ATP10B: variants seen among roughly 807,000 people sequenced by gnomAD.
The protein encoded by ATP10B is phospholipid-transporting ATPase VB.
Under a neutral mutation model 141.2 loss-of-function variants are expected in ATP10B, and 122 were observed. The observed-to-expected ratio is 0.86, with a 90% CI of 0.75 to 1.00. The LOEUF (loss-of-function observed/expected upper bound fraction) is 1.00, where lower values mean the gene tolerates loss of function less well. Ranked by LOEUF, ATP10B falls within the 50% of genes least tolerant of loss-of-function variation. The pLI is 0.00. For synonymous variants in ATP10B, 685 were observed against 692.0 expected (o/e 0.99, Z 0.16); for missense variants, 1,876 against 1,825.3 (o/e 1.03, Z -0.51).
At chr5:160,597,292 G>C (rs1471971222) in intron 22 of ATP10B, among the ~76,000 whole-genome samples, 2 of 152,176 alleles carry the variant, frequency 1.3e-5, no homozygotes, top group Non-Finnish European at 2.9e-5. Context: ...CTAGCAATGG[G>C]GAAAGGATTC....
intron 2 of ATP10B, among the ~76,000 whole-genome samples, chr5:160,769,130 A>G (rs1320354566): frequency 6.6e-6 from 1 of 152,094 alleles, no homozygotes; most frequent in African/African-American, 2.4e-5. Flanking sequence ...GGAGCCATAT[A>G]GGGGTATTTG....
At chr5:160,807,218 A>C (rs560360444) in intron 1 of ATP10B, among the ~76,000 whole-genome samples, 19 of 152,370 alleles carry the variant, frequency 1.2e-4, no homozygotes, top group Admixed American at 1.2e-3. Flanking sequence ...TATGTTTATA[A>C]ATGCATGAAG....
intron 23 of ATP10B, among the ~76,000 whole-genome samples, chr5:160,589,976 T>A (rs1218581408): frequency 6.6e-6 from 1 of 152,192 alleles, no homozygotes; most frequent in Admixed American, 6.5e-5. Context: ...TCAGACACAA[T>A]GCTAACAGCT....
At chr5:160,683,156 C>T (rs1763536168) in intron 6 of ATP10B, among the ~76,000 whole-genome samples, 1 of 152,008 alleles carries the variant, frequency 6.6e-6, no homozygotes, top group African/African-American at 2.4e-5. Flanking sequence ...TGATTTCATC[C>T]TCTCTTTATA....
chr5:160,780,630 T>A (rs1770653104), intron 2 of ATP10B, among the ~76,000 whole-genome samples: 1 of 152,184 alleles, frequency 6.6e-6, no homozygotes, highest in African/African-American at 2.4e-5. Flanking sequence ...ATAACTGGAT[T>A]CCTGAACTGA....
At chr5:160,919,343 G>A in the ATP10B span, among the ~76,000 whole-genome samples, 1 of 151,280 alleles carries the variant, frequency 6.6e-6, no homozygotes, top group Non-Finnish European at 1.5e-5. Context: ...CTTTGTACTA[G>A]GCCCTAAGGC....
At chr5:160,745,864 A>G (rs1368353) in intron 2 of ATP10B, among the ~76,000 whole-genome samples, 88,627 of 152,166 alleles carry the variant, frequency 0.58, 26,461 homozygotes, top group African/African-American at 0.7. Context: ...GCTGGGCCCA[A>G]TTTGCACATG....
At chr5:160,836,015 C>T (rs773946152) in intron 1 of ATP10B, among the ~76,000 whole-genome samples, 4 of 152,072 alleles carry the variant, frequency 2.6e-5, no homozygotes, top group Non-Finnish European at 5.9e-5. Context: ...TCAAATACCA[C>T]ATGTTCTCAC....
intron 3 of ATP10B, among the ~76,000 whole-genome samples, chr5:160,702,191 T>G (rs1232841044): frequency 6.6e-6 from 1 of 152,246 alleles, no homozygotes; most frequent in Non-Finnish European, 1.5e-5. Context: ...AATTTAAAAT[T>G]ATTTAAAAAT....
At chr5:160,676,191 C>G (rs1763020052) in intron 6 of ATP10B, among the ~76,000 whole-genome samples, 1 of 152,224 alleles carries the variant, frequency 6.6e-6, no homozygotes, top group African/African-American at 2.4e-5. Flanking sequence ...CCTTTTTGAC[C>G]ATGTGGTGGC....
At chr5:160,680,573 G>C (rs961183135) in intron 6 of ATP10B, among the ~76,000 whole-genome samples, 2 of 152,196 alleles carry the variant, frequency 1.3e-5, no homozygotes, top group Admixed American at 1.3e-4. Context: ...AAAGAGTCAA[G>C]TCTCAAAAAT....
chr5:160,708,034 A>T (rs1289690333), intron 3 of ATP10B, among the ~76,000 whole-genome samples: 1 of 152,130 alleles, frequency 6.6e-6, no homozygotes, highest in East Asian at 1.9e-4. Context: ...CTCTTCATTA[A>T]ACCTCAATTG....
chr5:160,670,489 A>G lies in ATP10B; in HGVS notation c.649T>C (p.Cys217Arg), dbSNP rs958912. The change falls in exon 7 of 26, where the codon TGT becomes CGT. Residue 217 changes from cysteine to arginine, a missense_variant. Physicochemically the swap from Cys to Arg is radical, Grantham distance 180. Coordinates refer to ENST00000327245, the MANE Select transcript of ATP10B (RefSeq NM_025153.3). ...TGCTGTGAGAAGCCCTTCACGACAC[A>G]TCTTTGCTTGAGGTTTGTCTCTCCA... ...LDGETNLKQRCVVKGFSQQEV... is the reference protein window; with the variant it reads ...LDGETNLKQRRVVKGFSQQEV... 0.82 allele frequency: 1,325,219 copies of G among 1,613,566 alleles called. 546,075 individuals are homozygous for G. The highest frequency in any genetic ancestry group is 0.92 in the African/African-American group (68,800 of 74,926).
chr5:160,700,490 T>C (rs1764608355), intron 3 of ATP10B, among the ~76,000 whole-genome samples: 1 of 152,212 alleles, frequency 6.6e-6, no homozygotes, highest in Non-Finnish European at 1.5e-5. Context: ...AGACTATTTC[T>C]TCCCCAAACG....
chr5:160,836,332 A>T (rs1446821776), intron 1 of ATP10B, among the ~76,000 whole-genome samples: 2 of 151,764 alleles, frequency 1.3e-5, no homozygotes, highest in African/African-American at 4.8e-5. Context: ...AAGTTTTTTC[A>T]TTTTTTTTCA....
chr5:160,836,936 T>C (rs1775476333), intron 1 of ATP10B, among the ~76,000 whole-genome samples: 1 of 152,130 alleles, frequency 6.6e-6, no homozygotes, highest in African/African-American at 2.4e-5. Flanking sequence ...ATTCCCTTGC[T>C]CAAGCCAAAA....
intron 1 of ATP10B, among the ~76,000 whole-genome samples, chr5:160,803,405 C>T (rs969909166): frequency 2.0e-5 from 3 of 152,150 alleles, no homozygotes; most frequent in Non-Finnish European, 2.9e-5. Context: ...GGGCCAGGCA[C>T]GGCGGCTCAC....
chr5:160,888,460 A>G, the ATP10B span, among the ~76,000 whole-genome samples: 1 of 152,202 alleles, frequency 6.6e-6, no homozygotes. Context: ...GGCTTCTCTA[A>G]ATGTTCCTCA....
rs79731444 is a variant in ATP10B, at chr5:160,785,641, G to A, written c.-413C>T. The A allele has an allele frequency of 3.1e-3, 3,909 of 1,274,164 alleles. 89 individuals are homozygous for A. The African/African-American group carries it at 0.054, about 18-fold the overall frequency. 78.9% of individuals were successfully genotyped at this position (1,274,164 alleles called of 1,614,324 possible). On this transcript the variant is annotated 5_prime_UTR_variant, in exon 2 of 26. Coordinates refer to ENST00000327245, the MANE Select transcript of ATP10B (RefSeq NM_025153.3). ...CAGTGTTTATTGTTCTCATCTTTGTGTCCATGTGTAAGAAATGGTAGTTTC... is the reference window on the plus strand; with the variant it reads ...CAGTGTTTATTGTTCTCATCTTTGTATCCATGTGTAAGAAATGGTAGTTTC...
Sources: allele counts gnomAD v4.1 joint callset (sites outside exome capture counted in the v4.1 genomes callset), GRCh38; gene constraint gnomAD v4.1.1; transcripts MANE v1.5; gene names NCBI Gene and HGNC (gene_info 2026-07-23, HGNC 2026-07-21).